The following ORC3 variants were observed in gnomAD, a reference collection of about 807,000 sequenced individuals.
The protein encoded by ORC3 is homolog of latheo, Drosophila.
Under a neutral mutation model 100.7 loss-of-function variants are expected in ORC3, and 78 were observed. The observed-to-expected ratio is 0.77, with a 90% CI of 0.65 to 0.94. The LOEUF is 0.94. Among genes scored for constraint, ORC3 ranks in the 40% least tolerant of loss-of-function variants. The pLI is 0.00. For synonymous variants in ORC3, 295 were observed against 289.3 expected (o/e 1.02, Z -0.20); for missense variants, 789 against 823.9 (o/e 0.96, Z 0.52).
In ORC3 at chr6:87,664,600, T is replaced by G. The variant is rs189537367; in HGVS notation, c.1834-143T>G. The G allele has an allele frequency of 5.9e-5, 38 of 640,362 alleles. No individual in the cohort carries two copies. In the Admixed American group the frequency reaches 9.9e-4, roughly 17 times the overall value. 39.7% of individuals were successfully genotyped at this position (640,362 alleles called of 1,614,324 possible). ...ACCTAAACAAGAACTAGCTAACTAT[T>G]GAATAGACTCACTCACTAAATAAGG... On this transcript the variant is annotated intron_variant, in intron 17 of 19. Transcript: ENST00000392844.
At chr6:87,631,417 A>G (rs1413741243) in intron 11 of ORC3, among the ~76,000 whole-genome samples, 1 of 152,224 alleles carries the variant, frequency 6.6e-6, no homozygotes. Flanking sequence ...AAAATTTAAC[A>G]TATGGAAAGT....
chr6:87,674,222 A>T, the ORC3 span, among the ~76,000 whole-genome samples: 1 of 148,946 alleles, frequency 6.7e-6, no homozygotes, highest in South Asian at 2.1e-4. Context: ...GAATCGCTTG[A>T]ACCTGGGAGG....
intron 12 of ORC3, among the ~76,000 whole-genome samples, chr6:87,635,232 T>C (rs1767723377): frequency 6.6e-6 from 1 of 152,228 alleles, no homozygotes; most frequent in South Asian, 2.1e-4. Context: ...TTTCCTTCTT[T>C]AACACTTCCT....
chr6:87,629,793 G>A (rs1029916671), intron 11 of ORC3, among the ~76,000 whole-genome samples: 10 of 152,068 alleles, frequency 6.6e-5, no homozygotes, highest in African/African-American at 2.4e-4. Context: ...GTATAAGTGA[G>A]AACGTGCGGT....
At chr6:87,603,749 T>A (rs1249273375) in intron 4 of ORC3, among the ~76,000 whole-genome samples, 1 of 152,196 alleles carries the variant, frequency 6.6e-6, no homozygotes, top group Non-Finnish European at 1.5e-5. Context: ...TAAAAGGAAT[T>A]TATCTAGCTA....
At chr6:87,623,376 T>G (rs975834270) in intron 11 of ORC3, among the ~76,000 whole-genome samples, 1 of 152,192 alleles carries the variant, frequency 6.6e-6, no homozygotes, top group Non-Finnish European at 1.5e-5. Flanking sequence ...GGGAAGAAAT[T>G]TAAGAACTAG....
chr6:87,614,336 C>G (rs563343766), intron 8 of ORC3, among the ~76,000 whole-genome samples: 50 of 152,152 alleles, frequency 3.3e-4, no homozygotes, highest in Non-Finnish European at 5.4e-4. Context: ...GGGCCCAGCC[C>G]GTGAAATCGC....
At chr6:87,596,605 C>T (rs1439380812) in intron 2 of ORC3, among the ~76,000 whole-genome samples, 1 of 151,948 alleles carries the variant, frequency 6.6e-6, no homozygotes, top group Non-Finnish European at 1.5e-5. Context: ...TAAGTATATA[C>T]CTGGGTCAAA....
chr6:87,658,233 G>A (rs1180958302), intron 16 of ORC3, among the ~76,000 whole-genome samples: 1 of 152,114 alleles, frequency 6.6e-6, no homozygotes, highest in African/African-American at 2.4e-5. Context: ...CAAGGCTGGT[G>A]GATCACGAGG....
intron 4 of ORC3, among the ~76,000 whole-genome samples, chr6:87,604,649 A>G (rs1047741498): frequency 1.3e-5 from 2 of 152,268 alleles, no homozygotes; most frequent in Non-Finnish European, 2.9e-5. Context: ...TATAACGAAT[A>G]TAATGTTATT....
intron 10 of ORC3, 64 bp downstream of exon 10, chr6:87,621,551 C>G: frequency 9.3e-7 from 1 of 1,077,380 alleles, no homozygotes; most frequent in Non-Finnish European, 1.3e-6. Context: ...TAAGAGATCT[C>G]AGATCCAGTT....
At chr6:87,607,457 A>T (rs1429349981) in intron 5 of ORC3, among the ~76,000 whole-genome samples, 1 of 152,070 alleles carries the variant, frequency 6.6e-6, no homozygotes, top group Non-Finnish European at 1.5e-5. Flanking sequence ...GATAATATAC[A>T]TAAGCTTTGG....
intron 13 of ORC3, among the ~76,000 whole-genome samples, chr6:87,642,234 G>A (rs1768321014): frequency 6.6e-6 from 1 of 152,192 alleles, no homozygotes; most frequent in African/African-American, 2.4e-5. Context: ...TGAGGCTGCC[G>A]TGAGCTGTGA....
chr6:87,656,544 G>A (rs988565123), intron 14 of ORC3, among the ~76,000 whole-genome samples: 3 of 151,964 alleles, frequency 2.0e-5, no homozygotes, highest in South Asian at 2.1e-4. Context: ...CCAAGATGGC[G>A]CCACTGCACT....
At chr6:87,670,764 C>T (rs1373140263), downstream of ORC3, among the ~76,000 whole-genome samples, 1 of 152,130 alleles carries the variant, frequency 6.6e-6, no homozygotes, top group African/African-American at 2.4e-5. Flanking sequence ...GCACTGTATG[C>T]CAGTGAGCAA....
chr6:87,631,554 G>A (rs773174180), intron 11 of ORC3, among the ~76,000 whole-genome samples: 25 of 151,998 alleles, frequency 1.6e-4, no homozygotes, highest in Non-Finnish European at 2.8e-4. Flanking sequence ...CTGCAACAGC[G>A]CGATCTTGGC....
At chr6:87,633,632 CTGAGT>C in intron 11 of ORC3, among the ~76,000 whole-genome samples, 1 of 152,182 alleles carries the variant, frequency 6.6e-6, no homozygotes. Flanking sequence ...TTATTGATAT[CTGAGT>C]TATTTTCTAT....
chr6:87,657,881 TC>T, intron 15 of ORC3, 39 bp from the exon 16 acceptor site: 1 of 1,133,454 alleles, frequency 8.8e-7, no homozygotes, highest in Non-Finnish European at 1.3e-6. Context: ...GGGTTTTCTG[TC>T]TGAGGATCAC....
chr6:87,601,957 G>A, intron 3 of ORC3, 76 bp downstream of exon 3: 2 of 834,600 alleles, frequency 2.4e-6, no homozygotes, highest in Admixed American at 3.7e-5. Flanking sequence ...CTTTCCACCA[G>A]TTTACAAGAG....
Sources: gnomAD v4.1 joint callset for allele counts (sites outside exome capture counted in the v4.1 genomes callset) on GRCh38, gnomAD v4.1.1 for gene constraint, MANE v1.5 for transcripts, NCBI Gene and HGNC (gene_info 2026-07-23, HGNC 2026-07-21) for gene names.